GHITM: variants seen among roughly 807,000 people sequenced by gnomAD.
The protein encoded by GHITM is growth hormone inducible transmembrane protein.
GHITM carries 24 observed loss-of-function variants against 38.7 expected under a neutral mutation model. That is an observed-to-expected ratio of 0.62 (90% CI 0.45 to 0.87). The LOEUF (loss-of-function observed/expected upper bound fraction) is 0.87. Among genes scored for constraint, GHITM ranks in the 40% least tolerant of loss-of-function variants. The pLI is 0.00. For synonymous variants in GHITM, 154 were observed against 147.8 expected (o/e 1.04, Z -0.30); for missense variants, 420 against 429.8 (o/e 0.98, Z 0.20).
Position 84,144,886 on chromosome 10 carries a change from A to G in GHITM, c.353A>G (p.Gln118Arg). ...CATGTTTCTTACAGAATTTGGCCTC[A>G]GTATGTCAAGGATAGAATTCATTCC... Reference protein sequence around the residue: ...GAIEKAVIWPQYVKDRIHSTY... With the variant: ...GAIEKAVIWPRYVKDRIHSTY... Residue 118 changes from glutamine to arginine, a missense_variant, in exon 5 of 9, where the codon CAG (glutamine) becomes CGG (arginine). Physicochemically the swap from Gln to Arg is conservative, Grantham distance 43 (BLOSUM62 1). Coordinates refer to ENST00000372134, the MANE Select transcript of GHITM (RefSeq NM_014394.3). The G allele has an allele frequency of 1.3e-6, 2 of 1,578,642 alleles. No homozygotes were observed. Among genetic ancestry groups the G allele is most frequent in the South Asian group, 1.2e-5 (1 of 86,210 alleles).
At position 84,144,068 on chromosome 10, in the gene GHITM, G is replaced by A. The variant is rs74697595; in HGVS notation, c.303G>A (p.Leu101=). 1.2e-6 allele frequency: 2 copies of A among 1,613,714 alleles called. No individual in the cohort carries two copies. The highest frequency in any genetic ancestry group is 2.2e-5 in the South Asian group (2 of 91,076). The change falls in exon 4 of 9, where the codon TTG becomes TTA. Residue 101 remains leucine, a synonymous_variant. Coordinates refer to ENST00000372134, the MANE Select transcript of GHITM (RefSeq NM_014394.3). ...TTGGAGCATTGTGCTACTATGGCTTGGGACTGTCTAATGAGATTGGAGCTA... is the reference window on the plus strand; with the variant it reads ...TTGGAGCATTGTGCTACTATGGCTTAGGACTGTCTAATGAGATTGGAGCTA... ...VGLGALCYYG[L]GLSNEIGAIE...
At chr10:84,149,960 CAGTA>C in intron 6 of GHITM, 91 bp from the exon 7 acceptor site, 1 of 981,282 alleles carries the variant, frequency 1.0e-6, no homozygotes. Context: ...AGTGCTTAAA[CAGTA>C]AGGTATAATA....
chr10:84,150,340 AG>A, intron 7 of GHITM, 97 bp downstream of exon 7: 1 of 1,017,912 alleles, frequency 9.8e-7, no homozygotes, highest in Admixed American at 2.9e-5. Context: ...TTATTTTAAA[AG>A]TTTTTTTAAA....
intron 5 of GHITM, among the ~76,000 whole-genome samples, chr10:84,148,283 T>C (rs1029627169): frequency 4.1e-5 from 6 of 147,140 alleles, no homozygotes; most frequent in African/African-American, 1.6e-4. Flanking sequence ...TTTTATTTTT[T>C]ATTTTTTATT....
chr10:84,149,254 C>T (rs1482503262), intron 6 of GHITM, among the ~76,000 whole-genome samples: 1 of 152,150 alleles, frequency 6.6e-6, no homozygotes, highest in African/African-American at 2.4e-5. Flanking sequence ...TAGAAGTGTT[C>T]TGTGTAGAAA....
Position 84,150,790 on chromosome 10 carries a change from G to T in GHITM, c.863G>T (p.Ser288Ile). 6.2e-7 allele frequency: 1 copy of T among 1,612,580 alleles called. No homozygotes were observed. Residue 288 changes from serine to isoleucine, a missense_variant, in exon 8 of 9, where the codon AGC becomes ATC. Ser to Ile is a moderately radical substitution (Grantham distance 142). Transcript: ENST00000372134. ...ATGTACGGTGGATTAGTTCTTTTCA[G>T]CATGTTCCTTCTGTATGATACCCAG... ...VAMYGGLVLF[S>I]MFLLYDTQKV... is the part of the protein sequence containing the mutation.
intron 6 of GHITM, among the ~76,000 whole-genome samples, chr10:84,149,841 T>A (rs1481318501): frequency 6.6e-6 from 1 of 152,228 alleles, no homozygotes; most frequent in Non-Finnish European, 1.5e-5. Context: ...TGAGTGTGAT[T>A]GATTAGGAAT....
At position 84,153,568 on chromosome 10, in the gene GHITM, A is replaced by G. The variant is rs894269152; in HGVS notation, c.*1220A>G. Among the ~76,000 whole-genome samples, 4 of 152,232 alleles carry G rather than the reference A, an allele frequency of 2.6e-5. No individual in the cohort carries two copies. Among genetic ancestry groups the G allele is most frequent in the Non-Finnish European group, 4.4e-5 (3 of 68,042 alleles). ...CTTTAATGAAGGGAAAGAAGTCTGT[A>G]TGATGACTGAGGTGATTGCTCTTTT... is the stretch of plus-strand genomic sequence containing the variant. On this transcript the variant is annotated 3_prime_UTR_variant, in exon 9 of 9. Coordinates refer to ENST00000372134, the MANE Select transcript of GHITM (RefSeq NM_014394.3).
Position 84,145,023 on chromosome 10 carries a change from C to G in GHITM, c.483+7C>G. The G allele has an allele frequency of 6.3e-7, 1 of 1,581,140 alleles. No homozygotes were observed. Among genetic ancestry groups the G allele is most frequent in the South Asian group, 1.2e-5 (1 of 86,214 alleles). The stretch of plus-strand genomic sequence containing the variant: ...GATGAGAGGCTCTTGGGTGGTAAGT[C>G]AGCTGTTTTTGTTTTCCTTTTTCAT... On this transcript the variant is annotated splice_region_variant and intron_variant, in intron 5 of 8. Coordinates refer to ENST00000372134, the MANE Select transcript of GHITM (RefSeq NM_014394.3).
chr10:84,141,558 G>A lies in GHITM; in HGVS notation c.58G>A (p.Ala20Thr). The A allele has an allele frequency of 6.2e-7, 1 of 1,613,652 alleles. No homozygotes were observed. Among genetic ancestry groups the A allele is most frequent in the African/African-American group, 1.3e-5 (1 of 75,024 alleles). The change falls in exon 2 of 9, where the codon GCT (alanine) becomes ACT (threonine). Residue 20 changes from alanine (A) to threonine (T), a missense_variant. Ala to Thr is a moderately conservative substitution (Grantham distance 58). Transcript: ENST00000372134. Reference protein sequence around the residue: ...RTLPSRVFHPAFTKASPVVKN... With the variant: ...RTLPSRVFHPTFTKASPVVKN... ...ACTACCTTCTAGGGTTTTCCACCCAGCTTTCACCAAGGCCTCCCCTGTTGT... is the reference window on the plus strand; with the variant it reads ...ACTACCTTCTAGGGTTTTCCACCCAACTTTCACCAAGGCCTCCCCTGTTGT...
At chr10:84,149,687 CAGT>C (rs1406663897) in intron 6 of GHITM, among the ~76,000 whole-genome samples, 1 of 152,164 alleles carries the variant, frequency 6.6e-6, no homozygotes, top group Non-Finnish European at 1.5e-5. Flanking sequence ...CTTTTGACAG[CAGT>C]AGGTTTGACC....
chr10:84,142,031 C>G (rs1464550104), intron 2 of GHITM, among the ~76,000 whole-genome samples: 1 of 152,160 alleles, frequency 6.6e-6, no homozygotes, highest in African/African-American at 2.4e-5. Context: ...TTGATAATAT[C>G]TGTCAGGTTA....
At chr10:84,149,199 T>A (rs4547040) in intron 6 of GHITM, among the ~76,000 whole-genome samples, 13,184 of 152,236 alleles carry the variant, frequency 0.087, 766 homozygotes, top group East Asian at 0.22. Flanking sequence ...AAAGTTGTGC[T>A]AAAAATGTTG....
chr10:84,144,895 A>G lies in GHITM; in HGVS notation c.362A>G (p.Lys121Arg). 1.3e-6 allele frequency: 2 copies of G among 1,596,762 alleles called. No individual in the cohort carries two copies. Among genetic ancestry groups the G allele is most frequent in the Non-Finnish European group, 8.5e-7 (1 of 1,169,808 alleles). The change falls in exon 5 of 9, where the codon AAG becomes AGG. Residue 121 changes from lysine to arginine, a missense_variant. By Grantham distance (26) the Lys-to-Arg change is conservative. Coordinates refer to ENST00000372134, the MANE Select transcript of GHITM (RefSeq NM_014394.3). ...TACAGAATTTGGCCTCAGTATGTCA[A>G]GGATAGAATTCATTCCACCTATATG... Reference protein sequence around the residue: ...EKAVIWPQYVKDRIHSTYMYL... With the variant: ...EKAVIWPQYVRDRIHSTYMYL...
At chr10:84,141,367 C>T (rs553051964) in intron 1 of GHITM, 95 bp from the exon 2 acceptor site, 1 of 672,326 alleles carries the variant, frequency 1.5e-6, no homozygotes, top group African/African-American at 1.8e-5. Context: ...ATAGTTTGTT[C>T]CTTGACTCTG....
intron 1 of GHITM, chr10:84,140,522 CGG>C (rs1841496181): frequency 6.6e-6 from 1 of 152,142 alleles, no homozygotes; most frequent in Admixed American, 6.6e-5. Flanking sequence ...AGTCTGAACA[CGG>C]AATCCTTATG....
intron 5 of GHITM, 102 bp from the exon 6 acceptor site, chr10:84,148,628 A>T: frequency 1.4e-6 from 1 of 722,486 alleles, no homozygotes; most frequent in East Asian, 2.7e-5. Flanking sequence ...TAATATTTTT[A>T]CAACTAGTTT....
At position 84,153,419 on chromosome 10, in the gene GHITM, G is replaced by A. The variant is rs1371222851; in HGVS notation, c.*1071G>A. Reference sequence around the variant, plus strand: ...CTTAATGAAATATATCAACCCAAAAGTGTAATGAGGAAAATGCTTCATTAG... The same window carrying A: ...CTTAATGAAATATATCAACCCAAAAATGTAATGAGGAAAATGCTTCATTAG... On this transcript the variant is annotated 3_prime_UTR_variant, in exon 9 of 9. Coordinates refer to ENST00000372134, the MANE Select transcript of GHITM (RefSeq NM_014394.3). 2.0e-5 allele frequency among the ~76,000 whole-genome samples: 3 copies of A among 152,202 alleles called. No individual in the cohort carries two copies. The highest frequency in any genetic ancestry group is 6.5e-5 in the Admixed American group (1 of 15,286).
rs1374165185 is a variant in GHITM, at chr10:84,146,666, A to G, written c.483+1650A>G. Reference sequence around the variant, plus strand: ...TCAGAAGCAAATAATTTAAAACAATACTTTTGTAATAAACATGACAATATT... The same window carrying G: ...TCAGAAGCAAATAATTTAAAACAATGCTTTTGTAATAAACATGACAATATT... On this transcript the variant is annotated intron_variant, in intron 5 of 8. Coordinates refer to ENST00000372134, the MANE Select transcript of GHITM (RefSeq NM_014394.3). Among the ~76,000 whole-genome samples, 3 of 152,196 alleles carry G rather than the reference A, an allele frequency of 2.0e-5. 1 individual carries two copies. Among genetic ancestry groups the G allele is most frequent in the East Asian group, 3.9e-4 (2 of 5,194 alleles).
Sources: gnomAD v4.1 joint callset for allele counts (sites outside exome capture counted in the v4.1 genomes callset) on GRCh38, gnomAD v4.1.1 for gene constraint, MANE v1.5 for transcripts, NCBI Gene and HGNC (gene_info 2026-07-23, HGNC 2026-07-21) for gene names.